Variants in LALBA observed in about 807,000 individuals in gnomAD.
LALBA encodes lactalbumin alpha.
A neutral mutation model predicts 13.4 loss-of-function variants in LALBA; 12 were observed. That is an observed-to-expected ratio of 0.89 (90% CI 0.57 to 1.45). LALBA has a LOEUF of 1.45. Among genes scored for constraint, LALBA ranks in the 40% most tolerant of loss-of-function variants. LALBA has a pLI of 0.00. For synonymous variants in LALBA, 64 were observed against 61.0 expected (o/e 1.05, Z -0.23); for missense variants, 145 against 165.9 (o/e 0.87, Z 0.69).
Position 48,569,213 on chromosome 12 carries a change from C to T in LALBA, c.161G>A (p.Gly54Asp). Residue 54 changes from glycine (G) to aspartate (D), a missense_variant, in exon 2 of 4, where the codon GGT becomes GAT. Gly to Asp is a moderately conservative substitution (Grantham distance 94, BLOSUM62 -1). Coordinates refer to ENST00000301046, the MANE Select transcript of LALBA (RefSeq NM_002289.3). The part of the protein sequence containing the change: ...ELICTMFHTS[G>D]YDTQAIVENN... ...TTCAACTATGGCTTGTGTGTCATAACCACTGGTGTGAAACATGGTACAGAT... is the reference window on the plus strand; with the variant it reads ...TTCAACTATGGCTTGTGTGTCATAATCACTGGTGTGAAACATGGTACAGAT... The T allele has an allele frequency of 6.2e-7, 1 of 1,613,176 alleles. No individual in the cohort carries two copies. Among genetic ancestry groups the T allele is most frequent in the Non-Finnish European group, 8.5e-7 (1 of 1,179,382 alleles).
upstream of LALBA, among the ~76,000 whole-genome samples, chr12:48,571,259 T>C (rs1458188214): frequency 1.3e-5 from 2 of 152,136 alleles, no homozygotes; most frequent in African/African-American, 4.8e-5. Context: ...GGATACTAGT[T>C]CTGAATAGCT....
chr12:48,570,258 A>G (rs567134457), upstream of LALBA, among the ~76,000 whole-genome samples: 1 of 152,280 alleles, frequency 6.6e-6, no homozygotes, highest in African/African-American at 2.4e-5. Context: ...CTGGCCAGAA[A>G]GAGTTCAAAC....
chr12:48,568,991 G>T (rs999601540), intron 2 of LALBA, 91 bp downstream of exon 2: 29 of 1,123,294 alleles, frequency 2.6e-5, no homozygotes, highest in Non-Finnish European at 7.6e-6. Flanking sequence ...CCAAGGCAAT[G>T]AAGCCTGAGG....
upstream of LALBA, among the ~76,000 whole-genome samples, chr12:48,571,377 T>C (rs1014805769): frequency 2.0e-5 from 2 of 102,068 alleles, no homozygotes; most frequent in Non-Finnish European, 3.9e-5. Context: ...TGATTTCTTC[T>C]TCTTCTTCCT....
Position 48,570,046 on chromosome 12 carries a change from T to A in LALBA, c.-26A>T, listed in dbSNP as rs1938615406. On this transcript the variant is annotated 5_prime_UTR_variant, in exon 1 of 4. Coordinates refer to ENST00000301046, the MANE Select transcript of LALBA (RefSeq NM_002289.3). Reference sequence around the variant, plus strand: ...TTTGGCTACCCCCAAGAACCTGAAATGGAAGCATCACTCAGTTTCATTTAT... The same window carrying A: ...TTTGGCTACCCCCAAGAACCTGAAAAGGAAGCATCACTCAGTTTCATTTAT... 2 of 1,612,212 alleles carry A rather than the reference T, an allele frequency of 1.2e-6. No individual in the cohort carries two copies. The highest frequency in any genetic ancestry group is 2.7e-5 in the African/African-American group (2 of 74,572).
Position 48,569,914 on chromosome 12 carries a change from C to A in LALBA, c.107G>T (p.Gly36Val), listed in dbSNP as rs887053775. 1 of 1,613,890 alleles carries A rather than the reference C, an allele frequency of 6.2e-7. No individual in the cohort carries two copies. Among genetic ancestry groups the A allele is most frequent in the African/African-American group, 1.3e-5 (1 of 74,876 alleles). The change falls in exon 1 of 4, where the codon GGT becomes GTT. Residue 36 changes from glycine (G) to valine (V), a missense_variant. Coordinates refer to ENST00000301046, the MANE Select transcript of LALBA (RefSeq NM_002289.3). ...ELSQLLKDID[G>V]YGGIALPELI... is the part of the protein sequence containing the mutation. ...TTCAGGCAAAGCGATGCCTCCATAACCATCTATGTCTTTCAGCAGCTGGGA... is the reference window on the plus strand; with the variant it reads ...TTCAGGCAAAGCGATGCCTCCATAAACATCTATGTCTTTCAGCAGCTGGGA...
upstream of LALBA, among the ~76,000 whole-genome samples, chr12:48,571,317 C>T (rs1938630038): frequency 6.6e-6 from 1 of 151,304 alleles, no homozygotes; most frequent in South Asian, 2.1e-4. Flanking sequence ...ACAAGTAGCT[C>T]TTAGCTCCTT....
At chr12:48,571,386 C>CT (rs60444004), upstream of LALBA, among the ~76,000 whole-genome samples, 6 of 98,032 alleles carry the variant, frequency 6.1e-5, no homozygotes, top group South Asian at 3.6e-4. Context: ...CTTCTTCTTC[C>CT]TTTTTTTTTT....
intron 1 of LALBA, 109 bp downstream of exon 1, chr12:48,569,779 G>A: frequency 1.0e-6 from 1 of 960,156 alleles, no homozygotes; most frequent in South Asian, 1.6e-5. Flanking sequence ...GAGCAGAAAA[G>A]AGGATGATTA....
At chr12:48,571,542 G>T (rs1938633560), upstream of LALBA, among the ~76,000 whole-genome samples, 1 of 151,742 alleles carries the variant, frequency 6.6e-6, no homozygotes, top group Non-Finnish European at 1.5e-5. Flanking sequence ...GTGTTACCAT[G>T]CCCGGTTAAT....
upstream of LALBA, among the ~76,000 whole-genome samples, chr12:48,570,350 T>C (rs544289393): frequency 1.1e-4 from 17 of 152,132 alleles, no homozygotes; most frequent in Admixed American, 8.5e-4. Context: ...CTCTGGTTAC[T>C]TGAGGAACAA....
Position 48,569,875 on chromosome 12 carries a change from G to A in LALBA, c.133+13C>T. ...TATGAGGAATGGATGAAACACAGAG[G>A]CAGGGAACTCACATTCAGGCAAAGC... is the stretch of plus-strand genomic sequence containing the variant. On this transcript the variant is annotated intron_variant, in intron 1 of 3. Transcript: ENST00000301046. 1 of 1,613,330 alleles carries A rather than the reference G, an allele frequency of 6.2e-7. No homozygotes were observed. The highest frequency in any genetic ancestry group is 8.5e-7 in the Non-Finnish European group (1 of 1,179,426).
In LALBA at chr12:48,569,941, A is replaced by G. The variant is rs767207313; in HGVS notation, c.80T>C (p.Leu27Pro). The change falls in exon 1 of 4, where the codon CTG becomes CCG. Residue 27 changes from leucine to proline, a missense_variant. Transcript: ENST00000301046. ...ATCTATGTCTTTCAGCAGCTGGGAC[A>G]GCTCACATTTTGTGAATTGCTTGGC... is the stretch of plus-strand genomic sequence containing the variant. The part of the protein sequence containing the change: ...ILAKQFTKCE[L>P]SQLLKDIDGY... 1.9e-5 allele frequency: 30 copies of G among 1,613,994 alleles called. No homozygotes were observed. Among genetic ancestry groups the G allele is most frequent in the Non-Finnish European group, 2.5e-5 (30 of 1,179,998 alleles).
At chr12:48,568,126 C>T (rs1448748715) in intron 3 of LALBA, 109 bp from the exon 4 acceptor site, 8 of 845,122 alleles carry the variant, frequency 9.5e-6, no homozygotes, top group African/African-American at 1.7e-5. Context: ...AAAGACATTC[C>T]TGGCCTGATG....
chr12:48,568,480 G>A (rs1254664341), intron 3 of LALBA, 37 bp downstream of exon 3: 2 of 1,185,444 alleles, frequency 1.7e-6, no homozygotes, highest in Non-Finnish European at 2.5e-6. Context: ...GTAAGGAGAA[G>A]GAGGATGGGG....
upstream of LALBA, among the ~76,000 whole-genome samples, chr12:48,571,386 C>CTT (rs60444004): frequency 4.1e-5 from 4 of 98,052 alleles, no homozygotes; most frequent in Non-Finnish European, 5.5e-5. Context: ...CTTCTTCTTC[C>CTT]TTTTTTTTTT....
At position 48,568,324 on chromosome 12, in the gene LALBA, A is replaced by G; in HGVS notation, c.368+193T>C. 13 of 613,752 alleles carry G rather than the reference A, an allele frequency of 2.1e-5. No individual in the cohort carries two copies. The South Asian group carries it at 2.2e-4, about 11-fold the overall frequency. 38.0% of individuals were successfully genotyped at this position (613,752 alleles called of 1,614,324 possible). Reference sequence around the variant, plus strand: ...TGAGCCCTCCATTAGGCAACCCCTTATTAGGAAAATTGCTACCAAGGAGCG... The same window carrying G: ...TGAGCCCTCCATTAGGCAACCCCTTGTTAGGAAAATTGCTACCAAGGAGCG... On this transcript the variant is annotated intron_variant, in intron 3 of 3. Coordinates refer to ENST00000301046, the MANE Select transcript of LALBA (RefSeq NM_002289.3).
chr12:48,571,023 C>T (rs1284070328), upstream of LALBA, among the ~76,000 whole-genome samples: 1 of 150,140 alleles, frequency 6.7e-6, no homozygotes, highest in Non-Finnish European at 1.5e-5. Context: ...ATCCTACGAG[C>T]TATTATCAGA....
At chr12:48,569,701 G>A (rs879497446) in intron 1 of LALBA, among the ~76,000 whole-genome samples, 187 bp downstream of exon 1, 1 of 152,048 alleles carries the variant, frequency 6.6e-6, no homozygotes, top group African/African-American at 2.4e-5. Flanking sequence ...CAACAAGAGC[G>A]AAACTCCACC....
Sources: gnomAD v4.1 joint callset for allele counts (sites outside exome capture counted in the v4.1 genomes callset) on GRCh38, gnomAD v4.1.1 for gene constraint, MANE v1.5 for transcripts, NCBI Gene and HGNC (gene_info 2026-07-23, HGNC 2026-07-21) for gene names.